The following EIF4EBP2 variants were observed in gnomAD, a reference collection of about 807,000 sequenced individuals.
The protein encoded by EIF4EBP2 is eukaryotic translation initiation factor 4E-binding protein 2.
A neutral mutation model predicts 10.3 loss-of-function variants in EIF4EBP2; 5 were observed. That is an observed-to-expected ratio of 0.48 (90% confidence interval 0.25 to 1.02). The LOEUF (loss-of-function observed/expected upper bound fraction) is 1.02, where lower values mean the gene tolerates loss of function less well. EIF4EBP2 is among the 50% of genes least tolerant of loss of function. The pLI is 0.15. For missense variants in EIF4EBP2, 188 were observed against 162.2 expected (o/e 1.16, Z -0.86); for synonymous variants, 67 against 61.1 (o/e 1.10, Z -0.45).
At chr10:70,410,709 A>AT (rs1488856695) in intron 1 of EIF4EBP2, among the ~76,000 whole-genome samples, 1 of 152,176 alleles carries the variant, frequency 6.6e-6, no homozygotes, top group Non-Finnish European at 1.5e-5. Context: ...TTCCTTTCTT[A>AT]TTTTCCCTTA....
At chr10:70,411,907 A>C (rs1053709565) in intron 1 of EIF4EBP2, among the ~76,000 whole-genome samples, 1 of 152,178 alleles carries the variant, frequency 6.6e-6, no homozygotes, top group African/African-American at 2.4e-5. Context: ...ATATGTATGT[A>C]ATCTTTACTA....
chr10:70,419,942 T>G lies in EIF4EBP2; in HGVS notation c.174T>G (p.Phe58Leu), dbSNP rs1845136607. The change falls in exon 2 of 3, where the codon TTT becomes TTG. Residue 58 changes from phenylalanine (F) to leucine (L), a missense_variant. Transcript: ENST00000373218. Reference protein sequence around the residue: ...GGTRIIYDRKFLLDRRNSPMA... With the variant: ...GGTRIIYDRKLLLDRRNSPMA... Reference sequence around the variant, plus strand: ...CTCGAATCATTTATGACAGAAAGTTTCTGTTGGATCGTCGCAATTCTCCCA... The same window carrying G: ...CTCGAATCATTTATGACAGAAAGTTGCTGTTGGATCGTCGCAATTCTCCCA... 1 of 1,590,164 alleles carries G rather than the reference T, an allele frequency of 6.3e-7. No individual in the cohort carries two copies. Among genetic ancestry groups the G allele is most frequent in the East Asian group, 2.3e-5 (1 of 44,090 alleles).
At chr10:70,410,361 C>T (rs778532913) in intron 1 of EIF4EBP2, among the ~76,000 whole-genome samples, 87 of 152,224 alleles carry the variant, frequency 5.7e-4, no homozygotes, top group African/African-American at 1.9e-3. Flanking sequence ...CATGCCCAGC[C>T]CTGTTTCTTT....
At chr10:70,420,838 A>G (rs774456959) in intron 2 of EIF4EBP2, among the ~76,000 whole-genome samples, 1 of 152,256 alleles carries the variant, frequency 6.6e-6, no homozygotes, top group South Asian at 2.1e-4. Context: ...TCTGTTGCCC[A>G]GGCTGGAGTG....
chr10:70,420,619 G>C (rs761001895), intron 2 of EIF4EBP2, among the ~76,000 whole-genome samples: 54 of 152,266 alleles, frequency 3.5e-4, no homozygotes, highest in Non-Finnish European at 7.1e-4. Flanking sequence ...TGATGTAGTT[G>C]GTGGGAGAAA....
chr10:70,407,730 ACCCC>A (rs750558076), intron 1 of EIF4EBP2, among the ~76,000 whole-genome samples: 5 of 103,486 alleles, frequency 4.8e-5, no homozygotes, highest in African/African-American at 9.0e-5. Context: ...CGGGGGGCTG[ACCCC>A]CCCCCCACCT....
chr10:70,421,814 G>A lies in EIF4EBP2; in HGVS notation c.*67G>A. ...TTGTGTGCACCTGATTTGGCCAATAGGATCAACAGTGAAAAGACAGAAGAG... is the reference window on the plus strand; with the variant it reads ...TTGTGTGCACCTGATTTGGCCAATAAGATCAACAGTGAAAAGACAGAAGAG... On this transcript the variant is annotated 3_prime_UTR_variant, in exon 3 of 3. Coordinates refer to ENST00000373218, the MANE Select transcript of EIF4EBP2 (RefSeq NM_004096.5). The A allele has an allele frequency of 1.3e-6, 2 of 1,501,024 alleles. No individual in the cohort carries two copies. The highest frequency in any genetic ancestry group is 1.4e-5 in the African/African-American group (1 of 72,470). The allele number at this position is 1,501,024 out of a possible 1,614,324, so 93.0% of individuals were successfully genotyped here.
Position 70,423,337 on chromosome 10 carries a change from A to G in EIF4EBP2, c.*1590A>G, listed in dbSNP as rs1845177394. On this transcript the variant is annotated 3_prime_UTR_variant, in exon 3 of 3. Coordinates refer to ENST00000373218, the MANE Select transcript of EIF4EBP2 (RefSeq NM_004096.5). ...GAGTTTGTAGTGGGTGGTTTGTAAA[A>G]CTGGACCATTCTGCCTTGCTATGGG... is the stretch of plus-strand genomic sequence containing the variant. The G allele has an allele frequency of 6.6e-6, 1 of 152,446 alleles. No individual in the cohort carries two copies. Among genetic ancestry groups the G allele is most frequent in the African/African-American group, 2.4e-5 (1 of 41,362 alleles). 9.4% of individuals were successfully genotyped at this position (152,446 alleles called of 1,614,324 possible).
chr10:70,404,364 T>C lies in EIF4EBP2; in HGVS notation c.-38T>C, dbSNP rs1844945525. The C allele has an allele frequency of 6.7e-7, 1 of 1,488,392 alleles. No homozygotes were observed. The highest frequency in any genetic ancestry group is 1.5e-5 in the African/African-American group (1 of 67,564). The allele number at this position is 1,488,392 out of a possible 1,614,324, so 92.2% of individuals were successfully genotyped here. A position where few individuals can be genotyped will look rare whatever the true frequency, so the allele number is the denominator to read the frequency against. ...CAGCCCCGGCCCCGCCGCCGCCGCCTGCCCGCCGGACAAAGCCGAGAGCCC... is the reference window on the plus strand; with the variant it reads ...CAGCCCCGGCCCCGCCGCCGCCGCCCGCCCGCCGGACAAAGCCGAGAGCCC... On this transcript the variant is annotated 5_prime_UTR_variant, in exon 1 of 3. Coordinates refer to ENST00000373218, the MANE Select transcript of EIF4EBP2 (RefSeq NM_004096.5).
rs1845208884 is a variant in EIF4EBP2, at chr10:70,426,655, G to A, written c.*4908G>A. On this transcript the variant is annotated 3_prime_UTR_variant, in exon 3 of 3. Coordinates refer to ENST00000373218, the MANE Select transcript of EIF4EBP2 (RefSeq NM_004096.5). ...TATCTGTAGCCCTGCTTGCTTGAGA[G>A]TATACTTGGATAAGAAGTATTGCTG... 6.6e-6 allele frequency: 1 copy of A among 152,228 alleles called. No homozygotes were observed. Among genetic ancestry groups the A allele is most frequent in the Non-Finnish European group, 1.5e-5 (1 of 68,046 alleles). 9.4% of individuals were successfully genotyped at this position (152,228 alleles called of 1,614,324 possible). A position where few individuals can be genotyped will look rare whatever the true frequency, so the allele number is the denominator to read the frequency against.
At chr10:70,420,708 T>C (rs1322276762) in intron 2 of EIF4EBP2, among the ~76,000 whole-genome samples, 1 of 152,226 alleles carries the variant, frequency 6.6e-6, no homozygotes, top group Non-Finnish European at 1.5e-5. Context: ...CTAGGCTTCA[T>C]TGGACTAAGG....
At position 70,404,322 on chromosome 10, in the gene EIF4EBP2, C is replaced by A; in HGVS notation, c.-80C>A. 6.9e-7 allele frequency: 1 copy of A among 1,441,414 alleles called. No homozygotes were observed. The highest frequency in any genetic ancestry group is 9.1e-7 in the Non-Finnish European group (1 of 1,101,734). 89.3% of individuals were successfully genotyped at this position (1,441,414 alleles called of 1,614,324 possible). On this transcript the variant is annotated 5_prime_UTR_variant, in exon 1 of 3. Coordinates refer to ENST00000373218, the MANE Select transcript of EIF4EBP2 (RefSeq NM_004096.5). The stretch of plus-strand genomic sequence containing the variant: ...AGCGCGCAGAGCGCGCTTTTCCGTC[C>A]GCCTGAGGAGCCGAAGCAGCCCCGG...
intron 1 of EIF4EBP2, among the ~76,000 whole-genome samples, chr10:70,415,466 T>G (rs918731352): frequency 6.6e-6 from 1 of 150,384 alleles, no homozygotes; most frequent in African/African-American, 2.4e-5. Flanking sequence ...TTAAGGGACC[T>G]AAAATATCCA....
At position 70,424,782 on chromosome 10, in the gene EIF4EBP2, A is replaced by C. The variant is rs557764529; in HGVS notation, c.*3035A>C. 6 of 152,252 alleles carry C rather than the reference A, an allele frequency of 3.9e-5. No homozygotes were observed. Among genetic ancestry groups the C allele is most frequent in the Non-Finnish European group, 8.8e-5 (6 of 68,014 alleles). The allele number at this position is 152,252 out of a possible 1,614,324, so 9.4% of individuals were successfully genotyped here. On this transcript the variant is annotated 3_prime_UTR_variant, in exon 3 of 3. Transcript: ENST00000373218. The stretch of plus-strand genomic sequence containing the variant: ...ATTGTCATGATTCTGTCTTCTTTTT[A>C]GTGTGGTTTATTGAGTTCAGCAGTT...
In EIF4EBP2 at chr10:70,427,595, C is replaced by A. The variant is rs1242330586; in HGVS notation, c.*5848C>A. 1 of 152,132 alleles carries A rather than the reference C, an allele frequency of 6.6e-6. No homozygotes were observed. Among genetic ancestry groups the A allele is most frequent in the Non-Finnish European group, 1.5e-5 (1 of 68,026 alleles). The allele number at this position is 152,132 out of a possible 1,614,324, so 9.4% of individuals were successfully genotyped here. ...GTCCTGGAAGTTGATAACCTTTTGG[C>A]AAAGCTTAGATTTAGGAGAAGGCTT... On this transcript the variant is annotated 3_prime_UTR_variant, in exon 3 of 3. Transcript: ENST00000373218.
intron 2 of EIF4EBP2, 97 bp downstream of exon 2, chr10:70,420,196 T>A: frequency 1.6e-6 from 2 of 1,234,666 alleles, no homozygotes; most frequent in Non-Finnish European, 2.2e-6. Flanking sequence ...TTCAGTTTTG[T>A]TTTTTGTTTT....
intron 1 of EIF4EBP2, among the ~76,000 whole-genome samples, chr10:70,417,331 A>C (rs1424841494): frequency 6.6e-6 from 1 of 151,762 alleles, no homozygotes; most frequent in Non-Finnish European, 1.5e-5. Flanking sequence ...GTGGTTGCCT[A>C]GGGTCAGAGG....
chr10:70,410,715 C>T (rs1845035425), intron 1 of EIF4EBP2, among the ~76,000 whole-genome samples: 1 of 152,120 alleles, frequency 6.6e-6, no homozygotes, highest in Non-Finnish European at 1.5e-5. Context: ...TCTTATTTTC[C>T]CTTATGGGGG....
intron 1 of EIF4EBP2, among the ~76,000 whole-genome samples, chr10:70,409,666 AT>A (rs1285767321): frequency 1.3e-5 from 2 of 152,196 alleles, no homozygotes; most frequent in Non-Finnish European, 2.9e-5. Context: ...AGCTAATATG[AT>A]TCTTTCCGCT....
Sources: gnomAD v4.1 joint callset for allele counts (sites outside exome capture counted in the v4.1 genomes callset) on GRCh38, gnomAD v4.1.1 for gene constraint, MANE v1.5 for transcripts, NCBI Gene and HGNC (gene_info 2026-07-23, HGNC 2026-07-21) for gene names.